The following AGO3 variants were observed in gnomAD, a reference collection of about 807,000 sequenced individuals.
AGO3 encodes the protein argonaute RISC catalytic component 3.
A neutral mutation model predicts 105.5 loss-of-function variants in AGO3; 16 were observed. That is an observed-to-expected ratio of 0.15 (90% CI 0.10 to 0.23). The LOEUF is 0.23. AGO3 is among the 10% of genes least tolerant of loss of function. The pLI is 1.00. For missense variants in AGO3, 534 were observed against 1,088.0 expected, an observed-to-expected ratio of 0.49 and a Z score of 7.16; for synonymous variants, 340 against 367.3, an observed-to-expected ratio of 0.93 and a Z score of 0.85.
chr1:35,972,688 GT>G (rs1646889605), intron 4 of AGO3, among the ~76,000 whole-genome samples: 1 of 150,778 alleles, frequency 6.6e-6, no homozygotes. Flanking sequence ...GTTTGGTTGG[GT>G]TTTTTTTGAG....
intron 5 of AGO3, among the ~76,000 whole-genome samples, chr1:35,995,582 A>T (rs1251511985): frequency 6.6e-6 from 1 of 152,212 alleles, no homozygotes; most frequent in Non-Finnish European, 1.5e-5. Flanking sequence ...AACAGCACAC[A>T]GAAAATTTAA....
chr1:36,004,387 G>T lies in AGO3; in HGVS notation c.705G>T (p.Met235Ile). 1 of 1,610,228 alleles carries T rather than the reference G, an allele frequency of 6.2e-7. No individual in the cohort carries two copies. Among genetic ancestry groups the T allele is most frequent in the Non-Finnish European group, 8.5e-7 (1 of 1,177,522 alleles). Residue 235 changes from methionine (M) to isoleucine (I), a missense_variant, in exon 6 of 19, where the codon ATG becomes ATT. By Grantham distance (10) the Met-to-Ile change is conservative. Transcript: ENST00000373191. ...AAGCACAACCTGTAATTCAGTTCAT[G>T]TGTGAAGTTCTTGATATTCATAATA... The part of the protein sequence containing the change: ...FYKAQPVIQF[M>I]CEVLDIHNID...
chr1:35,964,316 C>A (rs995180397), intron 2 of AGO3, among the ~76,000 whole-genome samples: 1 of 152,108 alleles, frequency 6.6e-6, no homozygotes, highest in South Asian at 2.1e-4. Flanking sequence ...CTATAGTTCT[C>A]CTCTATGGGT....
intron 5 of AGO3, among the ~76,000 whole-genome samples, chr1:35,991,552 T>A (rs973477428): frequency 1.4e-4 from 21 of 147,366 alleles, no homozygotes; most frequent in Admixed American, 4.1e-4. Flanking sequence ...TATATATATA[T>A]AAAATATATA....
chr1:36,050,183 C>T (rs1164594192), intron 17 of AGO3, among the ~76,000 whole-genome samples: 1 of 152,176 alleles, frequency 6.6e-6, no homozygotes, highest in Non-Finnish European at 1.5e-5. Context: ...CAAATTTCAA[C>T]AAATTTAAAA....
In AGO3 at chr1:35,999,072, G is replaced by C. The variant is rs1394272292; in HGVS notation, c.659-5269G>C. 3.9e-5 allele frequency among the ~76,000 whole-genome samples: 6 copies of C among 152,194 alleles called. 1 individual carries two copies. In the East Asian group the frequency reaches 1.2e-3, roughly 29 times the overall value. Reference sequence around the variant, plus strand: ...CAGACCTTATTCTTAAGAATTGTTGGCTGGGCACGGTGGCTCATGCCTGTA... The same window carrying C: ...CAGACCTTATTCTTAAGAATTGTTGCCTGGGCACGGTGGCTCATGCCTGTA... On this transcript the variant is annotated intron_variant, in intron 5 of 18. Transcript: ENST00000373191.
intron 17 of AGO3, among the ~76,000 whole-genome samples, chr1:36,052,322 A>G (rs1211705677): frequency 6.6e-6 from 1 of 152,214 alleles, no homozygotes; most frequent in African/African-American, 2.4e-5. Context: ...AGAGAGATAT[A>G]TACTGCATGA....
intron 9 of AGO3, among the ~76,000 whole-genome samples, chr1:36,011,889 A>AG (rs1640631180): frequency 6.6e-6 from 1 of 152,202 alleles, no homozygotes; most frequent in Non-Finnish European, 1.5e-5. Flanking sequence ...ACTTGTGAAA[A>AG]TGTATCATTA....
At chr1:36,010,127 G>A (rs1470479280) in intron 9 of AGO3, among the ~76,000 whole-genome samples, 1 of 151,706 alleles carries the variant, frequency 6.6e-6, no homozygotes, top group East Asian at 2.0e-4. Context: ...TTTTAGTAGA[G>A]ACAGGATTTT....
intron 5 of AGO3, chr1:36,004,078 C>T (rs1640232601): frequency 7.0e-6 from 2 of 283,726 alleles, no homozygotes; most frequent in Non-Finnish European, 6.5e-6. Flanking sequence ...CCTTGTCTCA[C>T]CCAGAACACT....
At chr1:35,995,188 A>G in intron 5 of AGO3, among the ~76,000 whole-genome samples, 1 of 139,174 alleles carries the variant, frequency 7.2e-6, no homozygotes, top group African/African-American at 2.8e-5. Context: ...GCAACAGAGC[A>G]AGACACTGTC....
chr1:36,029,864 T>A (rs1430143204), intron 12 of AGO3, among the ~76,000 whole-genome samples: 1 of 151,810 alleles, frequency 6.6e-6, no homozygotes, highest in Non-Finnish European at 1.5e-5. Context: ...GGCTAATTTT[T>A]GTATTTTTAG....
rs1050414400 is a variant in AGO3 at position 35,931,583 on chromosome 1, C to G, written c.19+138C>G. The G allele has an allele frequency of 1.6e-5, 16 of 998,886 alleles. No homozygotes were observed. In the African/African-American group the frequency reaches 2.0e-4, roughly 13 times the overall value. 61.9% of individuals were successfully genotyped at this position (998,886 alleles called of 1,614,324 possible). On this transcript the variant is annotated intron_variant, in intron 1 of 18. Coordinates refer to ENST00000373191, the MANE Select transcript of AGO3 (RefSeq NM_024852.4). ...GCTCGGTCTCCCGCCCCTCGCCCTG[C>G]TCCTCCGCGACCTCCCCGCAGCCCA... is the stretch of plus-strand genomic sequence containing the variant.
chr1:35,988,704 T>C (rs1647338431), intron 5 of AGO3, among the ~76,000 whole-genome samples: 1 of 152,184 alleles, frequency 6.6e-6, no homozygotes, highest in East Asian at 1.9e-4. Flanking sequence ...GTTGTTTCCA[T>C]ATCTTGGCTG....
chr1:35,952,263 CT>C (rs1646488710), intron 2 of AGO3, among the ~76,000 whole-genome samples: 1 of 151,402 alleles, frequency 6.6e-6, no homozygotes, highest in Non-Finnish European at 1.5e-5. Flanking sequence ...TCTCCTCAGC[CT>C]CCCAAGTAGC....
chr1:35,981,367 G>A (rs911650081), intron 5 of AGO3, among the ~76,000 whole-genome samples: 31 of 152,070 alleles, frequency 2.0e-4, no homozygotes, highest in Admixed American at 1.4e-3. Flanking sequence ...AGTTTTCCAG[G>A]TTTCTGTGCT....
chr1:35,990,007 TTG>T (rs2148793182), intron 5 of AGO3, among the ~76,000 whole-genome samples: 2 of 152,322 alleles, frequency 1.3e-5, no homozygotes, highest in Non-Finnish European at 2.9e-5. Context: ...TACTACAGTG[TTG>T]CATGTAAATT....
Position 36,071,517 on chromosome 1 carries a change from G to A in AGO3, c.*15772G>A, listed in dbSNP as rs1160133716. 6.6e-6 allele frequency: 1 copy of A among 152,008 alleles called. No homozygotes were observed. The highest frequency in any genetic ancestry group is 1.5e-5 in the Non-Finnish European group (1 of 68,026). 9.4% of individuals were successfully genotyped at this position (152,008 alleles called of 1,614,324 possible). A position where few individuals can be genotyped will look rare whatever the true frequency, so the allele number is the denominator to read the frequency against. On this transcript the variant is annotated 3_prime_UTR_variant, in exon 19 of 19. Coordinates refer to ENST00000373191, the MANE Select transcript of AGO3 (RefSeq NM_024852.4). The stretch of plus-strand genomic sequence containing the variant: ...CATCCTCCTTTTCCACACTATTCTT[G>A]CCAAATATTTCTACTGAAACCCAGT...
At chr1:35,935,365 C>T (rs1052802873) in intron 1 of AGO3, among the ~76,000 whole-genome samples, 11 of 152,128 alleles carry the variant, frequency 7.2e-5, no homozygotes, top group Admixed American at 1.3e-4. Context: ...CTCATATAAC[C>T]GTTCTTTACA....
Sources: gnomAD v4.1 joint callset for allele counts (sites outside exome capture counted in the v4.1 genomes callset) on GRCh38, gnomAD v4.1.1 for gene constraint, MANE v1.5 for transcripts, NCBI Gene and HGNC (gene_info 2026-07-23, HGNC 2026-07-21) for gene names.